Variants in RERE observed in about 807,000 individuals in gnomAD.
RERE encodes the protein arginine-glutamic acid dipeptide repeats.
Under a neutral mutation model 146.1 loss-of-function variants are expected in RERE, and 40 were observed. That is an observed-to-expected ratio of 0.27 (90% CI 0.21 to 0.36). The LOEUF (loss-of-function observed/expected upper bound fraction) is 0.36, where lower values mean the gene tolerates loss of function less well. Ranked by LOEUF, RERE falls within the 10% of genes least tolerant of loss-of-function variation. The pLI is 1.00. For missense variants in RERE, 1,933 were observed against 2,138.7 expected, an observed-to-expected ratio of 0.90 and a Z score of 1.90; for synonymous variants, 1,003 against 866.0, an observed-to-expected ratio of 1.16 and a Z score of -2.78.
intron 1 of RERE, among the ~76,000 whole-genome samples, chr1:8,678,278 C>T (rs547382819): frequency 3.3e-5 from 5 of 152,140 alleles, no homozygotes; most frequent in Non-Finnish European, 7.4e-5. Context: ...TAAGTAAAAA[C>T]AATATGGTTT....
At chr1:8,477,264 C>T (rs1054504223) in intron 10 of RERE, among the ~76,000 whole-genome samples, 4 of 152,132 alleles carry the variant, frequency 2.6e-5, no homozygotes, top group African/African-American at 7.2e-5. Context: ...ACTCCACAGA[C>T]GCAGTCAATA....
intron 4 of RERE, among the ~76,000 whole-genome samples, chr1:8,597,079 T>A (rs1344422778): frequency 1.4e-5 from 2 of 146,414 alleles, no homozygotes; most frequent in South Asian, 4.3e-4. Flanking sequence ...ATTTAATTTG[T>A]ACTGATGCTG....
In RERE at chr1:8,614,478, T is replaced by C. The variant is rs574294495; in HGVS notation, c.522+83A>G. 2,008 of 1,390,528 alleles carry C rather than the reference T, an allele frequency of 1.4e-3. 3 individuals are homozygous for C. Among genetic ancestry groups the C allele is most frequent in the Non-Finnish European group, 1.8e-3 (1,858 of 1,016,464 alleles). 86.1% of individuals were successfully genotyped at this position (1,390,528 alleles called of 1,614,324 possible). On this transcript the variant is annotated intron_variant, in intron 4 of 22. Coordinates refer to ENST00000400908, the MANE Select transcript of RERE (RefSeq NM_001042681.2). ...TAATACAGCACATTTTAAAAGGGGC[T>C]CTGGGGAGGGAGGTAATATTCCTAT...
intron 1 of RERE, among the ~76,000 whole-genome samples, chr1:8,735,652 G>A (rs902332614): frequency 2.0e-5 from 3 of 152,146 alleles, no homozygotes; most frequent in East Asian, 1.9e-4. Flanking sequence ...GGTGGGGCCC[G>A]GTGGGAGGTG....
intron 2 of RERE, among the ~76,000 whole-genome samples, chr1:8,626,504 G>C (rs1011120805): frequency 7.9e-5 from 12 of 151,966 alleles, no homozygotes; most frequent in African/African-American, 2.9e-4. Context: ...CAACCCAAAG[G>C]GCATCAGCCT....
At chr1:8,485,949 G>A (rs913037783) in intron 10 of RERE, among the ~76,000 whole-genome samples, 2 of 151,860 alleles carry the variant, frequency 1.3e-5, no homozygotes, top group African/African-American at 2.4e-5. Context: ...ACAGGTGTGC[G>A]CCACCACACC....
intron 1 of RERE, among the ~76,000 whole-genome samples, chr1:8,749,443 A>G (rs1557519617): frequency 6.6e-6 from 1 of 151,648 alleles, no homozygotes; most frequent in Non-Finnish European, 1.5e-5. Flanking sequence ...AAAAAAAAGG[A>G]TAAGGTGATG....
chr1:8,359,560 G>A (rs1273920270), intron 19 of RERE, among the ~76,000 whole-genome samples: 4 of 152,208 alleles, frequency 2.6e-5, no homozygotes, highest in Non-Finnish European at 4.4e-5. Flanking sequence ...AGTCAGCCTA[G>A]ACCTGCCATG....
intron 11 of RERE, among the ~76,000 whole-genome samples, chr1:8,449,239 T>C (rs1205014352): frequency 1.3e-5 from 2 of 152,192 alleles, no homozygotes; most frequent in African/African-American, 4.8e-5. Flanking sequence ...CCTTCATGTC[T>C]TCTGTTTGTT....
chr1:8,358,937 G>A (rs771404932), intron 19 of RERE, 21 bp from the exon 20 acceptor site: 7 of 1,507,594 alleles, frequency 4.6e-6, no homozygotes, highest in East Asian at 2.3e-5. Flanking sequence ...AAAAGAAAGC[G>A]TGAGGGGTCC....
intron 1 of RERE, among the ~76,000 whole-genome samples, chr1:8,704,318 T>C (rs143173805): frequency 1.8e-4 from 27 of 152,374 alleles, no homozygotes; most frequent in Admixed American, 2.6e-4. Context: ...TGTATAGGAA[T>C]TTTTTAAATG....
chr1:8,378,752 C>T (rs933152768), intron 12 of RERE, among the ~76,000 whole-genome samples: 3 of 152,186 alleles, frequency 2.0e-5, no homozygotes, highest in Admixed American at 2.0e-4. Context: ...GTCATGGCAA[C>T]CACAGCAGAC....
At chr1:8,515,411 C>T (rs1645401307) in intron 7 of RERE, among the ~76,000 whole-genome samples, 1 of 148,474 alleles carries the variant, frequency 6.7e-6, no homozygotes, top group Non-Finnish European at 1.5e-5. Context: ...GCAGGCAGGT[C>T]ACCTGACGTC....
chr1:8,752,978 T>C (rs1015112913), intron 1 of RERE, among the ~76,000 whole-genome samples: 6 of 152,208 alleles, frequency 3.9e-5, no homozygotes, highest in Non-Finnish European at 8.8e-5. Flanking sequence ...GTATAGCATG[T>C]TATTTTAATA....
At chr1:8,523,791 A>C (rs1273658819) in intron 7 of RERE, among the ~76,000 whole-genome samples, 5 of 152,210 alleles carry the variant, frequency 3.3e-5, no homozygotes, top group African/African-American at 1.2e-4. Flanking sequence ...AAGCTCCATA[A>C]ATACAGATTT....
chr1:8,581,254 T>C (rs534615445), intron 4 of RERE, among the ~76,000 whole-genome samples: 1 of 152,234 alleles, frequency 6.6e-6, no homozygotes, highest in South Asian at 2.1e-4. Flanking sequence ...TGGGCACTTT[T>C]TCATGGGCTT....
At chr1:8,691,042 C>A (rs1271803308) in intron 1 of RERE, among the ~76,000 whole-genome samples, 2 of 151,950 alleles carry the variant, frequency 1.3e-5, no homozygotes, top group African/African-American at 4.8e-5. Flanking sequence ...GGACTATAGG[C>A]GCGCACCACC....
At chr1:8,816,788 C>A (rs1044861731) in intron 1 of RERE, among the ~76,000 whole-genome samples, 1 of 152,172 alleles carries the variant, frequency 6.6e-6, no homozygotes, top group African/African-American at 2.4e-5. Context: ...GTCCTCCCCC[C>A]AGCACCCCGA....
At chr1:8,443,459 GAAAAAAAAA>G (rs144499944) in intron 11 of RERE, among the ~76,000 whole-genome samples, 7 of 112,778 alleles carry the variant, frequency 6.2e-5, no homozygotes, top group Admixed American at 3.0e-4. Flanking sequence ...CTCAAAAAAA[GAAAAAAAAA>G]AAAAAAAAAA....
Sources: gnomAD v4.1 joint callset for allele counts (sites outside exome capture counted in the v4.1 genomes callset) on GRCh38, gnomAD v4.1.1 for gene constraint, MANE v1.5 for transcripts, NCBI Gene and HGNC (gene_info 2026-07-23, HGNC 2026-07-21) for gene names.